The following ANK3 variants were observed in gnomAD, a reference collection of about 807,000 sequenced individuals.
ANK3 encodes the protein ankyrin-3.
In ANK3, 57 loss-of-function variants were observed where a neutral mutation model predicts 370.9. The observed-to-expected ratio is 0.15, with a 90% CI of 0.12 to 0.19. The LOEUF (loss-of-function observed/expected upper bound fraction) is 0.19. Ranked by LOEUF, ANK3 falls within the 10% of genes least tolerant of loss-of-function variation. The pLI is 1.00. For missense variants in ANK3, 4,439 were observed against 5,302.1 expected (o/e 0.84, Z 5.06); for synonymous variants, 1,929 against 1,946.3 (o/e 0.99, Z 0.23).
chr10:60,452,378 G>A (rs549512801), intron 2 of ANK3, among the ~76,000 whole-genome samples: 5 of 152,340 alleles, frequency 3.3e-5, no homozygotes, highest in African/African-American at 9.6e-5. Context: ...GTTCCTTTGG[G>A]ATGAGGTTCT....
chr10:60,233,199 T>C (rs1243575036), intron 8 of ANK3, among the ~76,000 whole-genome samples: 1 of 152,214 alleles, frequency 6.6e-6, no homozygotes, highest in Admixed American at 6.5e-5. Context: ...AAACATTATC[T>C]TGATCTTTGC....
chr10:60,389,375 T>G (rs771602922), intron 1 of ANK3, 50 bp downstream of exon 1: 1 of 1,566,654 alleles, frequency 6.4e-7, no homozygotes, highest in Non-Finnish European at 8.7e-7. Context: ...AGAGGGAGAT[T>G]AAAACAAAAA....
chr10:60,436,856 C>T (rs1358327024), intron 2 of ANK3, among the ~76,000 whole-genome samples: 1 of 152,192 alleles, frequency 6.6e-6, no homozygotes, highest in Admixed American at 6.5e-5. Context: ...GTCACATCAA[C>T]ACAATCTATT....
At chr10:60,523,180 GAAT>G (rs1438494360) in intron 2 of ANK3, among the ~76,000 whole-genome samples, 1 of 152,022 alleles carries the variant, frequency 6.6e-6, no homozygotes, top group Non-Finnish European at 1.5e-5. Context: ...AGAATTTTGA[GAAT>G]AATATTTATG....
chr10:60,632,620 T>C (rs1245049803), intron 1 of ANK3, among the ~76,000 whole-genome samples: 1 of 151,894 alleles, frequency 6.6e-6, no homozygotes, highest in Non-Finnish European at 1.5e-5. Flanking sequence ...GGCATGGTGG[T>C]TCATGCCTAT....
In ANK3 at chr10:60,073,181, C is replaced by T. The variant is rs1316160340; in HGVS notation, c.7700G>A (p.Gly2567Asp). The T allele has an allele frequency of 1.9e-6, 3 of 1,614,160 alleles. No homozygotes were observed. Among genetic ancestry groups the T allele is most frequent in the African/African-American group, 1.3e-5 (1 of 75,042 alleles). ...MRFTEDRLDRGREKLIYEDRV... is the reference protein window; with the variant it reads ...MRFTEDRLDRDREKLIYEDRV... ...ATCTTCATATATCAACTTCTCTCTA[C>T]CTCTGTCTAATCTGTCCTCAGTAAA... The change falls in exon 37 of 44, where the codon GGT becomes GAT. Residue 2567 changes from glycine (G) to aspartate (D), a missense_variant. Coordinates refer to ENST00000280772, the MANE Select transcript of ANK3 (RefSeq NM_020987.5).
At chr10:60,726,431 C>G (rs1005406235) in intron 1 of ANK3, among the ~76,000 whole-genome samples, 1 of 152,158 alleles carries the variant, frequency 6.6e-6, no homozygotes, top group Non-Finnish European at 1.5e-5. Context: ...CAACAGTAAA[C>G]ACTACCATTT....
In ANK3 at chr10:60,138,945, G is replaced by A; in HGVS notation, c.2738+19C>T. 6.2e-7 allele frequency: 1 copy of A among 1,611,424 alleles called. No homozygotes were observed. Among genetic ancestry groups the A allele is most frequent in the Middle Eastern group, 1.7e-4 (1 of 6,036 alleles). ...TGGTTGTTTTAAATTAACTATGAAA[G>A]ACAGCAACAACGAAGTACCTGGCAG... On this transcript the variant is annotated intron_variant, in intron 24 of 43. Coordinates refer to ENST00000280772, the MANE Select transcript of ANK3 (RefSeq NM_020987.5).
At chr10:60,335,167 G>A (rs2219534) in intron 1 of ANK3, among the ~76,000 whole-genome samples, 106,012 of 151,912 alleles carry the variant, frequency 0.7, 38,032 homozygotes, top group South Asian at 0.9. Flanking sequence ...AATGCTTCCC[G>A]AGTTTGCAGT....
chr10:60,087,390 T>C (rs1025888031), intron 29 of ANK3, among the ~76,000 whole-genome samples: 17 of 152,286 alleles, frequency 1.1e-4, no homozygotes, highest in Admixed American at 9.1e-4. Context: ...TTTGGTAAAA[T>C]AACTTGGTAT....
At chr10:60,219,158 T>C (rs2096997272) in intron 8 of ANK3, among the ~76,000 whole-genome samples, 1 of 152,024 alleles carries the variant, frequency 6.6e-6, no homozygotes, top group African/African-American at 2.4e-5. Flanking sequence ...TCACAACAGG[T>C]TATTCTAGTT....
At chr10:60,670,774 T>A (rs113055578) in intron 1 of ANK3, among the ~76,000 whole-genome samples, 1 of 152,216 alleles carries the variant, frequency 6.6e-6, no homozygotes, top group Admixed American at 6.5e-5. Flanking sequence ...TCCCTTGAAA[T>A]TGAAGAAGGG....
chr10:60,306,453 A>ATATC (rs1478530328), intron 1 of ANK3, among the ~76,000 whole-genome samples: 1 of 13,296 alleles, frequency 7.5e-5, no homozygotes, highest in African/African-American at 1.7e-4. Flanking sequence ...ATATATATAT[A>ATATC]TCTATCTTTA....
intron 18 of ANK3, among the ~76,000 whole-genome samples, chr10:60,174,456 A>G (rs1365295244): frequency 3.3e-5 from 5 of 152,204 alleles, no homozygotes; most frequent in African/African-American, 1.2e-4. Context: ...AGGAACTCAG[A>G]TACTGCACCC....
rs955653885 is a variant in ANK3 at position 60,450,801 on chromosome 10, A to C, written c.96+164385T>G. The stretch of plus-strand genomic sequence containing the variant: ...TGGAAAGTAACAAGAAAAATGTAGC[A>C]CTTCATATTTCACAGAACACTTAAC... On this transcript the variant is annotated intron_variant, in intron 2 of 43. Coordinates refer to the ANK3 transcript ENST00000373827. Among the ~76,000 whole-genome samples the C allele has an allele frequency of 5.3e-5, 8 of 152,288 alleles. No homozygotes were observed. In the South Asian group the frequency reaches 1.0e-3, roughly 20 times the overall value.
Position 60,074,178 on chromosome 10 carries a change from T to C in ANK3, c.6703A>G (p.Ser2235Gly). 1 of 1,614,130 alleles carries C rather than the reference T, an allele frequency of 6.2e-7. No individual in the cohort carries two copies. Among genetic ancestry groups the C allele is most frequent in the Non-Finnish European group, 8.5e-7 (1 of 1,180,000 alleles). Residue 2235 changes from serine to glycine, a missense_variant, in exon 37 of 44, where the codon AGC becomes GGC. Ser to Gly is a moderately conservative substitution (Grantham distance 56, BLOSUM62 0). This residue lies in a region of ANK3 where 1,601 missense variants were observed against 1,731.7 expected (regional missense o/e 0.92). Coordinates refer to ENST00000280772, the MANE Select transcript of ANK3 (RefSeq NM_020987.5). ...SEEDDHNRVL[S>G]KGMRVKEETH... is the part of the protein sequence containing the mutation. Reference sequence around the variant, plus strand: ...TCTTCTTTAACACGCATGCCTTTGCTTAAAACCCGATTGTGGTCATCTTCT... The same window carrying C: ...TCTTCTTTAACACGCATGCCTTTGCCTAAAACCCGATTGTGGTCATCTTCT...
chr10:60,723,605 A>G (rs1367506951), intron 1 of ANK3, among the ~76,000 whole-genome samples: 2 of 152,204 alleles, frequency 1.3e-5, no homozygotes, highest in African/African-American at 2.4e-5. Context: ...GAGTTCTCCT[A>G]CTGAATACCA....
Position 60,395,618 on chromosome 10 carries a change from TTCTCTCTCTCTC to T in ANK3, c.97-115991_97-115980del, listed in dbSNP as rs71015791. On this transcript the variant is annotated intron_variant, in intron 2 of 43. Coordinates refer to the ANK3 transcript ENST00000373827. ...TTTCTTTCTTTCTTTCTCTCTTTCGTTCTCTCTCTCTCTCTCTCTCTCTCTCTCTCTCTTTCT... is the reference window on the plus strand; with the variant it reads ...TTTCTTTCTTTCTTTCTCTCTTTCGTTCTCTCTCTCTCTCTCTCTCTTTCT... Among the ~76,000 whole-genome samples, 1,202 of 126,196 alleles carry T rather than the reference TTCTCTCTCTCTC, an allele frequency of 9.5e-3. 31 individuals are homozygous for T. The highest frequency in any genetic ancestry group is 0.031 in the African/African-American group (1,015 of 33,072). 82.8% of individuals were successfully genotyped at this position (126,196 alleles called of 152,430 possible). A position where few individuals can be genotyped will look rare whatever the true frequency, so the allele number is the denominator to read the frequency against.
chr10:60,517,756 A>AAG (rs57698250), intron 2 of ANK3, among the ~76,000 whole-genome samples: 101 of 149,692 alleles, frequency 6.7e-4, no homozygotes, highest in South Asian at 1.9e-3. Context: ...AAAAGAGAGA[A>AAG]AGAGAGAGAG....
Sources: gnomAD v4.1 joint callset for allele counts (sites outside exome capture counted in the v4.1 genomes callset) on GRCh38, gnomAD v4.1.1 for gene constraint, gnomAD v4.1.1 regional missense constraint, MANE v1.5 for transcripts, NCBI Gene and HGNC (gene_info 2026-07-23, HGNC 2026-07-21) for gene names.